The following SERINC5 variants were observed in gnomAD, a reference collection of about 807,000 sequenced individuals.
The protein encoded by SERINC5 is chromosome 5 open reading frame 12.
Under a neutral mutation model 63.1 loss-of-function variants are expected in SERINC5, and 41 were observed. That is an observed-to-expected ratio of 0.65 (90% CI 0.51 to 0.84). SERINC5 has a LOEUF of 0.84. Ranked by LOEUF, SERINC5 falls within the 40% of genes least tolerant of loss-of-function variation. The pLI, the probability that SERINC5 is intolerant of heterozygous loss-of-function variation, is 0.00. For synonymous variants in SERINC5, 222 were observed against 215.2 expected (o/e 1.03, Z -0.28); for missense variants, 523 against 573.0 (o/e 0.91, Z 0.89).
intron 1 of SERINC5, chr5:80,255,283 C>A (rs1023081638): frequency 6.6e-6 from 1 of 152,656 alleles, no homozygotes; most frequent in African/African-American, 2.4e-5. Context: ...CCTACCCAGG[C>A]AGTCGTGCTA....
At chr5:80,168,435 A>G (rs1424738856) in intron 6 of SERINC5, among the ~76,000 whole-genome samples, 4 of 152,144 alleles carry the variant, frequency 2.6e-5, no homozygotes, top group Admixed American at 2.6e-4. Context: ...TCCTGACCTC[A>G]GACGATCTGC....
intron 2 of SERINC5, among the ~76,000 whole-genome samples, chr5:80,178,344 C>T (rs1487383398): frequency 8.8e-6 from 1 of 114,200 alleles, no homozygotes; most frequent in African/African-American, 3.4e-5. Context: ...TTTTAACCGC[C>T]CCCACCCCCA....
At chr5:80,246,195 T>G (rs976053902) in intron 1 of SERINC5, among the ~76,000 whole-genome samples, 8 of 152,236 alleles carry the variant, frequency 5.3e-5, no homozygotes, top group Admixed American at 1.3e-4. Context: ...AATTCCTCCC[T>G]AGTTGGGGTG....
chr5:80,234,711 G>C (rs1751607367), intron 1 of SERINC5, among the ~76,000 whole-genome samples: 1 of 152,100 alleles, frequency 6.6e-6, no homozygotes, highest in South Asian at 2.1e-4. Flanking sequence ...GTAACCACCG[G>C]TGGCAGTTTC....
chr5:80,154,371 G>A (rs551932073), intron 8 of SERINC5, among the ~76,000 whole-genome samples: 1 of 152,138 alleles, frequency 6.6e-6, no homozygotes, highest in Non-Finnish European at 1.5e-5. Flanking sequence ...TACAGATGGG[G>A]TTTCTCCATT....
rs79831597 is a variant in SERINC5 at position 80,197,662 on chromosome 5, C to A, written c.195+5224G>T. Among the ~76,000 whole-genome samples the A allele has an allele frequency of 1.1e-3, 175 of 152,258 alleles. 6 individuals are homozygous for A. The East Asian group carries it at 0.015, about 13-fold the overall frequency. On this transcript the variant is annotated intron_variant, in intron 2 of 11. Transcript: ENST00000507668. ...CTTCTTCAGTACAGGTTTTAGTGGC[C>A]CCTACTCCCTAGGAAATAAAGACTT...
downstream of SERINC5, among the ~76,000 whole-genome samples, chr5:80,134,684 G>A (rs192411908): frequency 1.0e-3 from 159 of 152,228 alleles, no homozygotes; most frequent in African/African-American, 3.6e-3. Flanking sequence ...AGGTGGTTTC[G>A]ATGCCACAAG....
At chr5:80,161,486 TTA>T (rs1291487795) in intron 7 of SERINC5, among the ~76,000 whole-genome samples, 4 of 152,224 alleles carry the variant, frequency 2.6e-5, no homozygotes, top group Admixed American at 6.5e-5. Context: ...TGTTGGCCAT[TTA>T]TATGTCTTCT....
chr5:80,216,325 A>G (rs1237770829), intron 1 of SERINC5, among the ~76,000 whole-genome samples: 4 of 152,194 alleles, frequency 2.6e-5, no homozygotes, highest in Non-Finnish European at 5.9e-5. Context: ...ATGATCAGAA[A>G]TGTCTCCAGA....
At chr5:80,238,427 G>A (rs113765145) in intron 1 of SERINC5, among the ~76,000 whole-genome samples, 1,794 of 152,206 alleles carry the variant, frequency 0.012, 31 homozygotes, top group African/African-American at 0.039. Flanking sequence ...CTGCTTGAGA[G>A]TTTAAGAGAA....
At chr5:80,178,607 T>A (rs1748209693) in intron 2 of SERINC5, among the ~76,000 whole-genome samples, 1 of 143,158 alleles carries the variant, frequency 7.0e-6, no homozygotes, top group South Asian at 2.3e-4. Context: ...CTTGAACTCC[T>A]GAGCTCAAGC....
At chr5:80,231,734 A>G (rs1751446445) in intron 1 of SERINC5, among the ~76,000 whole-genome samples, 1 of 152,176 alleles carries the variant, frequency 6.6e-6, no homozygotes, top group Non-Finnish European at 1.5e-5. Context: ...TTTTCAACAA[A>G]TGTTGGTGGA....
At chr5:80,163,821 T>C (rs925298541) in intron 7 of SERINC5, among the ~76,000 whole-genome samples, 2 of 152,328 alleles carry the variant, frequency 1.3e-5, no homozygotes, top group Middle Eastern at 6.8e-3. Context: ...GGTATTGGTC[T>C]GTAATTTTTT....
At chr5:80,248,650 T>C (rs1362135966) in intron 1 of SERINC5, among the ~76,000 whole-genome samples, 1 of 152,222 alleles carries the variant, frequency 6.6e-6, no homozygotes, top group Non-Finnish European at 1.5e-5. Flanking sequence ...TAGGGCACTT[T>C]ACTGCATTGT....
At chr5:80,182,550 C>G (rs113318248) in intron 2 of SERINC5, among the ~76,000 whole-genome samples, 6 of 140,656 alleles carry the variant, frequency 4.3e-5, no homozygotes, top group East Asian at 3.4e-4. Flanking sequence ...GACCGCCCCC[C>G]CCCCCTCCGC....
intron 1 of SERINC5, among the ~76,000 whole-genome samples, chr5:80,244,946 C>T (rs1752107495): frequency 6.6e-6 from 1 of 152,216 alleles, no homozygotes; most frequent in African/African-American, 2.4e-5. Flanking sequence ...ACCTCAGCCT[C>T]CAGACAAGCC....
intron 8 of SERINC5, among the ~76,000 whole-genome samples, chr5:80,152,824 C>T (rs1434684437): frequency 6.6e-6 from 1 of 152,062 alleles, no homozygotes; most frequent in South Asian, 2.1e-4. Context: ...AGCTGTAATC[C>T]CAGCTGCTCA....
At chr5:80,137,690 C>T (rs1745270880), downstream of SERINC5, among the ~76,000 whole-genome samples, 1 of 141,902 alleles carries the variant, frequency 7.0e-6, no homozygotes, top group African/African-American at 2.6e-5. Flanking sequence ...GTCTGTAATC[C>T]CAGCACTTTG....
chr5:80,223,235 G>C (rs1236180044), intron 1 of SERINC5, among the ~76,000 whole-genome samples: 2 of 152,148 alleles, frequency 1.3e-5, no homozygotes, highest in Non-Finnish European at 2.9e-5. Context: ...CGAGGGACTG[G>C]TTCCAGGACC....
Sources: gnomAD v4.1 joint callset for allele counts (sites outside exome capture counted in the v4.1 genomes callset) on GRCh38, gnomAD v4.1.1 for gene constraint, MANE v1.5 for transcripts, NCBI Gene and HGNC (gene_info 2026-07-23, HGNC 2026-07-21) for gene names.